TSPAN9: variants seen among roughly 807,000 people sequenced by gnomAD.
The protein encoded by TSPAN9 is tetraspanin-9.
Under a neutral mutation model 31.0 loss-of-function variants are expected in TSPAN9, and 16 were observed. The ratio of observed to expected loss-of-function variants is 0.52; its 90% CI spans 0.35 to 0.78. The LOEUF (loss-of-function observed/expected upper bound fraction) is 0.78, where lower values mean the gene tolerates loss of function less well. Ranked by LOEUF, TSPAN9 falls within the 30% of genes least tolerant of loss-of-function variation. The probability of loss-of-function intolerance (pLI) is 0.01; values close to 1 mark genes in which losing one functional copy is unlikely to be tolerated. For missense variants in TSPAN9, 272 were observed against 312.5 expected (o/e 0.87, Z 0.98); for synonymous variants, 145 against 121.6 (o/e 1.19, Z -1.27).
At chr12:3,089,504 C>T (rs190647676) in intron 2 of TSPAN9, among the ~76,000 whole-genome samples, 14 of 151,778 alleles carry the variant, frequency 9.2e-5, no homozygotes, top group East Asian at 4.0e-4. Flanking sequence ...ACCGTGTTGG[C>T]CAGGGTGGTC....
chr12:3,218,301 G>A (rs1014570528), intron 3 of TSPAN9, among the ~76,000 whole-genome samples: 11 of 152,242 alleles, frequency 7.2e-5, no homozygotes, highest in Admixed American at 5.9e-4. Context: ...AGTGCTTTGA[G>A]ATCACAGCTG....
intron 3 of TSPAN9, among the ~76,000 whole-genome samples, chr12:3,226,736 GTGTGTGTGTATATA>G (rs1370294114): frequency 3.6e-3 from 40 of 11,060 alleles, no homozygotes; most frequent in East Asian, 0.012. Context: ...GTGTGTGTGT[GTGTGTGTGTATATA>G]TATATATATA....
chr12:3,241,460 T>A (rs999532184), intron 3 of TSPAN9, among the ~76,000 whole-genome samples: 1 of 152,184 alleles, frequency 6.6e-6, no homozygotes, highest in Non-Finnish European at 1.5e-5. Flanking sequence ...GTCAATATAA[T>A]TTTAGGTGAG....
At chr12:3,253,432 C>T (rs1862289431) in intron 3 of TSPAN9, among the ~76,000 whole-genome samples, 1 of 152,188 alleles carries the variant, frequency 6.6e-6, no homozygotes, top group African/African-American at 2.4e-5. Context: ...CCTCGTTTCT[C>T]ATCTGTGAAT....
chr12:3,206,252 A>G (rs1202117185), intron 3 of TSPAN9: 2 of 451,990 alleles, frequency 4.4e-6, no homozygotes, highest in Middle Eastern at 3.3e-4. Flanking sequence ...TGCCACAGCT[A>G]TTTACTGAAT....
At chr12:3,166,413 G>T (rs761316336) in intron 2 of TSPAN9, among the ~76,000 whole-genome samples, 2 of 152,206 alleles carry the variant, frequency 1.3e-5, no homozygotes, top group Non-Finnish European at 2.9e-5. Flanking sequence ...ACTATCTAAA[G>T]CTGGAAGGTT....
intron 3 of TSPAN9, among the ~76,000 whole-genome samples, chr12:3,209,820 G>A (rs1331583793): frequency 6.6e-6 from 1 of 152,058 alleles, no homozygotes; most frequent in African/African-American, 2.4e-5. Flanking sequence ...TTAGCCGGGC[G>A]CGGTGGTGGG....
chr12:3,193,351 C>A, intron 2 of TSPAN9, among the ~76,000 whole-genome samples: 1 of 152,208 alleles, frequency 6.6e-6, no homozygotes, highest in East Asian at 1.9e-4. Flanking sequence ...CTGCCTGGCT[C>A]CTCATGGTCC....
intron 2 of TSPAN9, among the ~76,000 whole-genome samples, chr12:3,180,669 A>G (rs2098358192): frequency 6.6e-6 from 1 of 152,166 alleles, no homozygotes; most frequent in African/African-American, 2.4e-5. Flanking sequence ...ATTTCTTGAA[A>G]TTGGATTTTC....
Position 3,283,363 on chromosome 12 carries a change from A to G in TSPAN9, c.*247A>G. On this transcript the variant is annotated 3_prime_UTR_variant, in exon 9 of 9. Coordinates refer to ENST00000011898, the MANE Select transcript of TSPAN9 (RefSeq NM_006675.5). ...TGCATCTGCATATGCGTATTTGCCA[A>G]AGACGACAGGGTGGGCTGGGGTGCG... 1 of 469,920 alleles carries G rather than the reference A, an allele frequency of 2.1e-6. No individual in the cohort carries two copies. Among genetic ancestry groups the G allele is most frequent in the Non-Finnish European group, 3.8e-6 (1 of 265,480 alleles). 29.1% of individuals were successfully genotyped at this position (469,920 alleles called of 1,614,324 possible).
intron 2 of TSPAN9, among the ~76,000 whole-genome samples, chr12:3,185,245 C>T (rs555761992): frequency 6.6e-6 from 1 of 152,282 alleles, no homozygotes; most frequent in Admixed American, 6.5e-5. Flanking sequence ...GGCGGATAAG[C>T]TATCTCAGAC....
intron 3 of TSPAN9, among the ~76,000 whole-genome samples, chr12:3,249,449 C>A (rs554869536): frequency 6.6e-6 from 1 of 152,352 alleles, no homozygotes; most frequent in South Asian, 2.1e-4. Flanking sequence ...AACGTTGCTT[C>A]TTCCATGAAA....
intron 2 of TSPAN9, among the ~76,000 whole-genome samples, chr12:3,190,470 G>A (rs924749459): frequency 1.3e-5 from 2 of 152,238 alleles, no homozygotes; most frequent in African/African-American, 2.4e-5. Flanking sequence ...GTGCATATGT[G>A]TATGGGCAGG....
At chr12:3,228,533 C>T (rs1365713566) in intron 3 of TSPAN9, among the ~76,000 whole-genome samples, 1 of 152,216 alleles carries the variant, frequency 6.6e-6, no homozygotes, top group Non-Finnish European at 1.5e-5. Context: ...ATGCCCTCCC[C>T]ACCCCATGGG....
intron 2 of TSPAN9, among the ~76,000 whole-genome samples, chr12:3,139,380 C>T (rs1045264502): frequency 3.9e-5 from 6 of 152,168 alleles, no homozygotes; most frequent in Non-Finnish European, 8.8e-5. Flanking sequence ...CCTCCCCTCA[C>T]CCTGCCAGTG....
intron 2 of TSPAN9, among the ~76,000 whole-genome samples, chr12:3,118,516 C>A (rs965429062): frequency 2.3e-4 from 35 of 152,046 alleles, no homozygotes; most frequent in African/African-American, 8.5e-4. Flanking sequence ...CCGCCTTGGC[C>A]TCCCAAAGTG....
chr12:3,241,924 A>T (rs2098396779), intron 3 of TSPAN9, among the ~76,000 whole-genome samples: 1 of 152,058 alleles, frequency 6.6e-6, no homozygotes, highest in Non-Finnish European at 1.5e-5. Flanking sequence ...GCTGCTTCGG[A>T]GTTGGGGCTC....
intron 3 of TSPAN9, among the ~76,000 whole-genome samples, chr12:3,274,628 A>G (rs1310815993): frequency 6.6e-6 from 1 of 152,248 alleles, no homozygotes; most frequent in East Asian, 1.9e-4. Flanking sequence ...CCAGCCCAGC[A>G]GTGTGACTGG....
intron 4 of TSPAN9, 112 bp downstream of exon 4, chr12:3,278,724 A>G: frequency 7.1e-7 from 1 of 1,404,492 alleles, no homozygotes; most frequent in East Asian, 2.4e-5. Context: ...ACCTGAGCCC[A>G]GGGAAACTGC....
Sources: gnomAD v4.1 joint callset for allele counts (sites outside exome capture counted in the v4.1 genomes callset) on GRCh38, gnomAD v4.1.1 for gene constraint, MANE v1.5 for transcripts, NCBI Gene and HGNC (gene_info 2026-07-23, HGNC 2026-07-21) for gene names.